RBM26: variants seen among roughly 807,000 people sequenced by gnomAD.
The protein encoded by RBM26 is RNA binding motif protein 26, also known as RNA-binding protein 26.
A neutral mutation model predicts 123.6 loss-of-function variants in RBM26; 30 were observed. The ratio of observed to expected loss-of-function variants is 0.24; its 90% CI spans 0.18 to 0.33. The LOEUF is 0.33. Ranked by LOEUF, RBM26 falls within the 10% of genes least tolerant of loss-of-function variation. The probability of loss-of-function intolerance (pLI) is 1.00; values close to 1 mark genes in which losing one functional copy is unlikely to be tolerated. For synonymous variants in RBM26, 400 were observed against 404.4 expected (o/e 0.99, Z 0.13); for missense variants, 947 against 1,203.6 (o/e 0.79, Z 3.15).
intron 18 of RBM26, among the ~76,000 whole-genome samples, chr13:79,340,822 T>A (rs183450952): frequency 9.0e-4 from 137 of 152,062 alleles, no homozygotes; most frequent in Non-Finnish European, 1.7e-3. Context: ...GACTTTATTA[T>A]AAGTTTTCTA....
intron 7 of RBM26, 103 bp from the exon 8 acceptor site, chr13:79,366,298 T>C: frequency 8.2e-7 from 1 of 1,222,450 alleles, no homozygotes; most frequent in Non-Finnish European, 1.1e-6. Flanking sequence ...CTATAATATC[T>C]ACAAACACCA....
At chr13:79,344,206 A>C in intron 16 of RBM26, 42 bp downstream of exon 16, 1 of 1,234,410 alleles carries the variant, frequency 8.1e-7, no homozygotes, top group Non-Finnish European at 1.2e-6. Flanking sequence ...ACTCCAAATT[A>C]TAACATTTGC....
At chr13:79,373,629 CTATA>C (rs1201160875) in intron 3 of RBM26, among the ~76,000 whole-genome samples, 1 of 89,886 alleles carries the variant, frequency 1.1e-5, no homozygotes, top group Admixed American at 1.6e-4. Context: ...TTATATATTA[CTATA>C]TATATTTATA....
rs536592878 is a variant in RBM26, at chr13:79,396,697, A to AT, written c.71+9006dup. 2.8e-4 allele frequency among the ~76,000 whole-genome samples: 42 copies of AT among 152,270 alleles called. No homozygotes were observed. In the South Asian group the frequency reaches 7.3e-3, roughly 26 times the overall value. ...GAAAAAAAAATAGAACCCTAAATAA[A>AT]TTTTTTCAGAAAAACGGAGGATAGA... On this transcript the variant is annotated intron_variant, in intron 1 of 21. Transcript: ENST00000438737.
chr13:79,372,910 TA>T (rs2076110582), intron 3 of RBM26, among the ~76,000 whole-genome samples: 2 of 77,408 alleles, frequency 2.6e-5, no homozygotes, highest in African/African-American at 1.1e-4. Flanking sequence ...TCTTATATAT[TA>T]CATATTTTAT....
intron 20 of RBM26, among the ~76,000 whole-genome samples, chr13:79,330,509 A>T (rs1044531306): frequency 2.6e-5 from 4 of 152,178 alleles, no homozygotes; most frequent in Non-Finnish European, 5.9e-5. Flanking sequence ...TTGTTAGGGG[A>T]TCTCTTGCAG....
rs150979307 is a variant in RBM26 at position 79,398,078 on chromosome 13, G to A, written c.71+7626C>T. Among the ~76,000 whole-genome samples the A allele has an allele frequency of 2.6e-5, 4 of 152,282 alleles. No individual in the cohort carries two copies. The East Asian group carries it at 5.8e-4, about 22-fold the overall frequency. On this transcript the variant is annotated intron_variant, in intron 1 of 21. Coordinates refer to ENST00000438737, the MANE Select transcript of RBM26 (RefSeq NM_001366735.2). ...TTTACCTATTTCAAAGTTACTGCATGTAAATTGAAAAGACTTTTTCCACAG... is the reference window on the plus strand; with the variant it reads ...TTTACCTATTTCAAAGTTACTGCATATAAATTGAAAAGACTTTTTCCACAG...
chr13:79,337,156 C>T lies in RBM26; in HGVS notation c.2679G>A (p.Leu893=). ...HAVVDHRPRA[L]EISAFTESDR... ...CGCTCTCCGTAAATGCAGAAATCTC[C>T]AATGCCCTGGGACGGTGATCCACCA... The change falls in exon 19 of 22, where the codon TTG becomes TTA. Residue 893 remains leucine, a synonymous_variant. Coordinates refer to ENST00000438737, the MANE Select transcript of RBM26 (RefSeq NM_001366735.2). 6.2e-7 allele frequency: 1 copy of T among 1,614,090 alleles called. No individual in the cohort carries two copies. Among genetic ancestry groups the T allele is most frequent in the Non-Finnish European group, 8.5e-7 (1 of 1,180,006 alleles).
Position 79,320,161 on chromosome 13 carries a change from A to G in RBM26, c.*460T>C. 1.1e-6 allele frequency: 1 copy of G among 948,406 alleles called. No individual in the cohort carries two copies. Among genetic ancestry groups the G allele is most frequent in the South Asian group, 4.9e-5 (1 of 20,592 alleles). 58.7% of individuals were successfully genotyped at this position (948,406 alleles called of 1,614,324 possible). A position where few individuals can be genotyped will look rare whatever the true frequency, so the allele number is the denominator to read the frequency against. ...TAAAGCCTAAGCATACTACTATGTA[A>G]TATTATAATACATAACTTGGAGACT... On this transcript the variant is annotated 3_prime_UTR_variant, in exon 22 of 22. Coordinates refer to ENST00000438737, the MANE Select transcript of RBM26 (RefSeq NM_001366735.2).
intron 3 of RBM26, among the ~76,000 whole-genome samples, chr13:79,375,592 G>A (rs905894154): frequency 8.6e-5 from 13 of 151,962 alleles, no homozygotes; most frequent in East Asian, 1.9e-4. Flanking sequence ...AATATACACC[G>A]TCCCTTTCTT....
chr13:79,372,908 A>AAATATAAATATAT (rs2076109973), intron 3 of RBM26, among the ~76,000 whole-genome samples: 2 of 71,410 alleles, frequency 2.8e-5, no homozygotes, highest in Admixed American at 1.9e-4. Flanking sequence ...TATCTTATAT[A>AAATATAAATATAT]TTACATATTT....
At chr13:79,311,865 T>C (rs1448982576) in exon 5 of RBM26, 1 of 152,034 alleles carries the variant, frequency 6.6e-6, no homozygotes, top group Non-Finnish European at 1.5e-5. Flanking sequence ...ATTTTCAAAA[T>C]ATAAAAATAA....
At chr13:79,404,701 T>C (rs2079368001) in intron 1 of RBM26, among the ~76,000 whole-genome samples, 1 of 152,234 alleles carries the variant, frequency 6.6e-6, no homozygotes, top group African/African-American at 2.4e-5. Flanking sequence ...ACATGGTCCC[T>C]TCTCTTTAGA....
intron 19 of RBM26, among the ~76,000 whole-genome samples, chr13:79,335,020 T>C (rs2070093547): frequency 6.6e-6 from 1 of 152,136 alleles, no homozygotes; most frequent in Admixed American, 6.5e-5. Context: ...CATTATATTA[T>C]TCCTGTTTTT....
chr13:79,329,143 C>T (rs1446283898), intron 20 of RBM26, among the ~76,000 whole-genome samples: 1 of 151,890 alleles, frequency 6.6e-6, no homozygotes, highest in African/African-American at 2.4e-5. Flanking sequence ...GACATTAAGA[C>T]CCATGAGATT....
intron 1 of RBM26, 36 bp downstream of exon 1, chr13:79,405,668 G>A: frequency 6.8e-7 from 1 of 1,475,048 alleles, no homozygotes; most frequent in Non-Finnish European, 9.3e-7. Flanking sequence ...ATCTCCCACT[G>A]CCATCCCTGC....
At chr13:79,314,708 G>A (rs941811316), downstream of RBM26, 34 of 172,236 alleles carry the variant, frequency 2.0e-4, no homozygotes, top group African/African-American at 7.4e-4. Flanking sequence ...GAACTTTTTC[G>A]TTCCTTCTTA....
At chr13:79,385,918 T>C (rs1275865036) in intron 1 of RBM26, among the ~76,000 whole-genome samples, 1 of 151,998 alleles carries the variant, frequency 6.6e-6, no homozygotes, top group Non-Finnish European at 1.5e-5. Context: ...GCTTACATTA[T>C]TCTAACAGCT....
intron 1 of RBM26, among the ~76,000 whole-genome samples, chr13:79,396,878 C>T (rs886522537): frequency 1.3e-5 from 2 of 152,168 alleles, no homozygotes; most frequent in African/African-American, 4.8e-5. Context: ...ATGATCGTCT[C>T]AACAGATGGA....
Sources: gnomAD v4.1 joint callset for allele counts (sites outside exome capture counted in the v4.1 genomes callset) on GRCh38, gnomAD v4.1.1 for gene constraint, MANE v1.5 for transcripts, NCBI Gene and HGNC (gene_info 2026-07-23, HGNC 2026-07-21) for gene names.